MACROD2: variants seen among roughly 807,000 people sequenced by gnomAD.
The protein encoded by MACROD2 is mono-ADP ribosylhydrolase 2.
MACROD2 carries 36 observed loss-of-function variants against 70.4 expected under a neutral mutation model. The observed-to-expected ratio is 0.51, with a 90% CI of 0.39 to 0.68. The LOEUF (loss-of-function observed/expected upper bound fraction) is 0.68, where lower values mean the gene tolerates loss of function less well. Ranked by LOEUF, MACROD2 falls within the 30% of genes least tolerant of loss-of-function variation. The probability of loss-of-function intolerance (pLI) is 0.00; values close to 1 mark genes in which losing one functional copy is unlikely to be tolerated. For synonymous variants in MACROD2, 172 were observed against 178.8 expected (o/e 0.96, Z 0.30); for missense variants, 496 against 538.4 (o/e 0.92, Z 0.78).
chr20:15,637,368 C>T (rs562060264), intron 8 of MACROD2, among the ~76,000 whole-genome samples: 45 of 152,254 alleles, frequency 3.0e-4, no homozygotes, highest in Admixed American at 3.9e-4. Context: ...TGATTGACAT[C>T]GGAGCTCCCA....
In MACROD2 at chr20:14,850,781, C is replaced by T. The variant is rs370253057; in HGVS notation, c.418+165822C>T. On this transcript the variant is annotated intron_variant, in intron 5 of 17. Transcript: ENST00000684519. Reference sequence around the variant, plus strand: ...TCTTATTAGTCAGAATGGAAGACAACGGACTGGTAAATATTATAATTTGAA... The same window carrying T: ...TCTTATTAGTCAGAATGGAAGACAATGGACTGGTAAATATTATAATTTGAA... Among the ~76,000 whole-genome samples the T allele has an allele frequency of 6.8e-4, 104 of 152,128 alleles. No individual in the cohort carries two copies. The East Asian group carries it at 0.011, about 16-fold the overall frequency.
At chr20:15,190,228 C>G (rs1276381041) in intron 5 of MACROD2, among the ~76,000 whole-genome samples, 1 of 152,112 alleles carries the variant, frequency 6.6e-6, no homozygotes, top group East Asian at 1.9e-4. Flanking sequence ...ACCTCATTTT[C>G]TCCTCTGGCA....
intron 5 of MACROD2, among the ~76,000 whole-genome samples, chr20:15,093,786 T>A (rs984550890): frequency 6.6e-6 from 1 of 152,182 alleles, no homozygotes; most frequent in African/African-American, 2.4e-5. Context: ...GAACCCCTTT[T>A]GTGTGGGTAG....
chr20:15,703,179 T>A (rs761810616), intron 8 of MACROD2, among the ~76,000 whole-genome samples: 1 of 152,228 alleles, frequency 6.6e-6, no homozygotes, highest in Non-Finnish European at 1.5e-5. Flanking sequence ...GACCTCAAGC[T>A]ATTAGAATTC....
At chr20:16,000,045 C>G (rs1204982158) in intron 15 of MACROD2, among the ~76,000 whole-genome samples, 4 of 152,154 alleles carry the variant, frequency 2.6e-5, no homozygotes, top group Non-Finnish European at 5.9e-5. Flanking sequence ...ACAGTTATCG[C>G]ACTCTGTCAG....
chr20:14,073,641 C>T (rs777561207), intron 2 of MACROD2, among the ~76,000 whole-genome samples: 85 of 152,192 alleles, frequency 5.6e-4, no homozygotes, highest in Middle Eastern at 3.4e-3. Flanking sequence ...GTAGAGATCA[C>T]CGTGATAGGT....
At chr20:15,526,362 A>G (rs1229464657) in intron 8 of MACROD2, among the ~76,000 whole-genome samples, 6 of 152,238 alleles carry the variant, frequency 3.9e-5, no homozygotes, top group African/African-American at 1.4e-4. Flanking sequence ...GTTCAGGTAT[A>G]ACATAAATCC....
intron 6 of MACROD2, among the ~76,000 whole-genome samples, chr20:15,386,717 G>A (rs955075916): frequency 6.6e-6 from 1 of 152,160 alleles, no homozygotes; most frequent in Non-Finnish European, 1.5e-5. Flanking sequence ...CCTTCCAGGG[G>A]TGGGCCTAAC....
At chr20:14,465,210 T>C (rs561993161) in intron 3 of MACROD2, among the ~76,000 whole-genome samples, 1 of 152,128 alleles carries the variant, frequency 6.6e-6, no homozygotes, top group Non-Finnish European at 1.5e-5. Context: ...TTTATGAATC[T>C]GGGTGCTCCT....
chr20:16,004,889 C>A (rs2066767027), intron 15 of MACROD2, among the ~76,000 whole-genome samples: 1 of 152,220 alleles, frequency 6.6e-6, no homozygotes, highest in African/African-American at 2.4e-5. Context: ...TGACTCAGAG[C>A]CAAGTGTGAA....
intron 2 of MACROD2, among the ~76,000 whole-genome samples, chr20:14,034,686 C>T (rs917783214): frequency 6.6e-6 from 1 of 152,104 alleles, no homozygotes; most frequent in Non-Finnish European, 1.5e-5. Context: ...ATTCGTCAGC[C>T]GTTTATTATA....
intron 9 of MACROD2, among the ~76,000 whole-genome samples, chr20:15,865,089 TCTAA>T (rs1448644351): frequency 3.9e-5 from 6 of 152,294 alleles, no homozygotes; most frequent in African/African-American, 1.4e-4. Flanking sequence ...TCATGATATC[TCTAA>T]CTAGTGTTCA....
intron 3 of MACROD2, among the ~76,000 whole-genome samples, chr20:14,330,154 A>G (rs1288322803): frequency 6.6e-6 from 1 of 152,094 alleles, no homozygotes; most frequent in African/African-American, 2.4e-5. Flanking sequence ...AGGTTCATAC[A>G]TGAATATTGC....
chr20:14,978,486 A>T (rs564376268), intron 5 of MACROD2, among the ~76,000 whole-genome samples: 5 of 151,934 alleles, frequency 3.3e-5, no homozygotes, highest in African/African-American at 1.2e-4. Flanking sequence ...CAGTGTAATT[A>T]AACCTTTTAA....
intron 5 of MACROD2, among the ~76,000 whole-genome samples, chr20:14,712,438 G>A (rs1419477508): frequency 6.6e-6 from 1 of 152,076 alleles, no homozygotes; most frequent in Non-Finnish European, 1.5e-5. Context: ...GTTGGAACAG[G>A]CTGGCATTCG....
intron 8 of MACROD2, among the ~76,000 whole-genome samples, chr20:15,839,611 A>G (rs1419707870): frequency 1.3e-5 from 2 of 152,190 alleles, no homozygotes; most frequent in African/African-American, 2.4e-5. Flanking sequence ...CCCAACTGTC[A>G]TAGCCTAAAT....
Position 15,801,156 on chromosome 20 carries a change from C to G in MACROD2, c.646-61589C>G, listed in dbSNP as rs1445309660. ...TGTCCTGTGACCCTGCCAAATCCCC[C>G]TCTGCGAGAAACACCCAAGAATGAT... On this transcript the variant is annotated intron_variant, in intron 8 of 17. Transcript: ENST00000684519. 6.8e-5 allele frequency among the ~76,000 whole-genome samples: 10 copies of G among 147,070 alleles called. No homozygotes were observed. The East Asian group carries it at 1.4e-3, about 21-fold the overall frequency.
intron 5 of MACROD2, among the ~76,000 whole-genome samples, chr20:14,714,811 T>C (rs1600576906): frequency 6.6e-6 from 1 of 152,318 alleles, no homozygotes; most frequent in Middle Eastern, 3.4e-3. Flanking sequence ...TCCAAGTAAC[T>C]ATCTCTCCTT....
At chr20:15,427,936 A>T (rs762608596) in intron 6 of MACROD2, among the ~76,000 whole-genome samples, 2 of 152,214 alleles carry the variant, frequency 1.3e-5, no homozygotes, top group Non-Finnish European at 2.9e-5. Flanking sequence ...TGCTACTGAT[A>T]TCTAGCTGGT....
Sources: gnomAD v4.1 joint callset for allele counts (sites outside exome capture counted in the v4.1 genomes callset) on GRCh38, gnomAD v4.1.1 for gene constraint, MANE v1.5 for transcripts, NCBI Gene and HGNC (gene_info 2026-07-23, HGNC 2026-07-21) for gene names.